Variants in ELFN2 observed in about 807,000 individuals in gnomAD.
ELFN2 encodes extracellular leucine rich repeat and fibronectin type III domain containing 2.
Under a neutral mutation model 45.5 loss-of-function variants are expected in ELFN2, and 17 were observed. The ratio of observed to expected loss-of-function variants is 0.37; its 90% CI spans 0.26 to 0.56. The LOEUF (loss-of-function observed/expected upper bound fraction) is 0.56, where lower values mean the gene tolerates loss of function less well. Among genes scored for constraint, ELFN2 ranks in the 20% least tolerant of loss-of-function variants. The probability of loss-of-function intolerance (pLI) is 0.77; values close to 1 mark genes in which losing one functional copy is unlikely to be tolerated. For missense variants in ELFN2, 922 were observed against 1,183.2 expected (o/e 0.78, Z 3.24); for synonymous variants, 550 against 551.5 (o/e 1.00, Z 0.04).
At chr22:37,382,019 C>T (rs949560153) in intron 2 of ELFN2, among the ~76,000 whole-genome samples, 2 of 148,670 alleles carry the variant, frequency 1.3e-5, no homozygotes, top group African/African-American at 5.0e-5. Flanking sequence ...GGGAGAAGCC[C>T]CCCCTGTGAT....
At chr22:37,395,856 G>A (rs73412241) in intron 2 of ELFN2, among the ~76,000 whole-genome samples, 3,999 of 152,258 alleles carry the variant, frequency 0.026, 103 homozygotes, top group African/African-American at 0.065. Context: ...ACCTGTTCAG[G>A]GCTCAGGGGA....
Position 37,368,975 on chromosome 22 carries a change from C to G in ELFN2, c.*4097G>C, listed in dbSNP as rs534011043. ...CCCACACAGGATGCTCCCTGACCAG[C>G]CTTGCCCCTCCCCCATCACCCTATT... On this transcript the variant is annotated 3_prime_UTR_variant, in exon 3 of 3. Coordinates refer to ENST00000402918, the MANE Select transcript of ELFN2 (RefSeq NM_052906.5). The G allele has an allele frequency of 6.6e-6, 1 of 151,456 alleles. No individual in the cohort carries two copies. The highest frequency in any genetic ancestry group is 2.0e-4 in the East Asian group (1 of 5,112). 9.4% of individuals were successfully genotyped at this position (151,456 alleles called of 1,614,324 possible).
rs566790546 is a variant in ELFN2 at position 37,347,319 on chromosome 22, C to G, written n.149-4616G>C. On this transcript the variant is annotated intron_variant and non_coding_transcript_variant, in intron 1 of 2. Transcript: ENST00000452946. ...TTCCTGGAGGGCTTGACTTCTGCTG[C>G]TATTCCAAAGGTCCTTTCCAAATCT... Among the ~76,000 whole-genome samples the G allele has an allele frequency of 3.2e-4, 49 of 152,306 alleles. No individual in the cohort carries two copies. The Middle Eastern group carries it at 0.01, about 32-fold the overall frequency.
intron 1 of ELFN2, among the ~76,000 whole-genome samples, chr22:37,343,933 C>T (rs1930625726): frequency 6.6e-6 from 1 of 152,060 alleles, no homozygotes; most frequent in Non-Finnish European, 1.5e-5. Context: ...AGGCCGCTGT[C>T]AAAGAGGGAG....
chr22:37,400,309 C>T (rs928913201), intron 2 of ELFN2, among the ~76,000 whole-genome samples: 1 of 152,148 alleles, frequency 6.6e-6, no homozygotes, highest in Non-Finnish European at 1.5e-5. Context: ...GAGCTGCCCC[C>T]ACTGACACGG....
intron 2 of ELFN2, among the ~76,000 whole-genome samples, chr22:37,412,739 GC>G (rs1292602799): frequency 6.6e-6 from 1 of 152,190 alleles, no homozygotes; most frequent in Non-Finnish European, 1.5e-5. Context: ...CCCTGGACTG[GC>G]GCGGCTGCCA....
chr22:37,353,844 G>A (rs1015899903), intron 1 of ELFN2: 1 of 150,940 alleles, frequency 6.6e-6, no homozygotes, highest in African/African-American at 2.4e-5. Flanking sequence ...AGCACTTTGG[G>A]AACTCGAATG....
At chr22:37,350,015 A>G in intron 1 of ELFN2, among the ~76,000 whole-genome samples, 1 of 150,838 alleles carries the variant, frequency 6.6e-6, no homozygotes, top group Middle Eastern at 3.2e-3. Context: ...CCACAGCAGC[A>G]CCTGGTCCTG....
At chr22:37,383,536 G>A (rs1202642893) in intron 2 of ELFN2, among the ~76,000 whole-genome samples, 4 of 152,234 alleles carry the variant, frequency 2.6e-5, no homozygotes, top group Non-Finnish European at 4.4e-5. Context: ...GTGTCATCCT[G>A]CACTGGGTGA....
chr22:37,377,758 C>A (rs1404229940), intron 2 of ELFN2, among the ~76,000 whole-genome samples: 1 of 152,230 alleles, frequency 6.6e-6, no homozygotes, highest in Non-Finnish European at 1.5e-5. Context: ...AGCTTGGGGG[C>A]ACCACAAGGC....
intron 2 of ELFN2, among the ~76,000 whole-genome samples, chr22:37,401,745 C>A (rs1029547115): frequency 1.3e-5 from 2 of 152,192 alleles, no homozygotes; most frequent in South Asian, 4.1e-4. Flanking sequence ...TGCATGCAAA[C>A]GAGGGGCATA....
At chr22:37,420,691 C>T (rs1932803397) in intron 1 of ELFN2, among the ~76,000 whole-genome samples, 2 of 146,604 alleles carry the variant, frequency 1.4e-5, no homozygotes, top group Non-Finnish European at 1.5e-5. Flanking sequence ...CTCATCTGTG[C>T]AACAGGAATG....
Position 37,375,309 on chromosome 22 carries a change from TGA to T in ELFN2, c.224_225del (p.Leu75GlnfsTer106). On this transcript the variant is annotated frameshift_variant, in exon 3 of 3. Coordinates refer to ENST00000402918, the MANE Select transcript of ELFN2 (RefSeq NM_052906.5). LOFTEE classifies it high-confidence loss of function. ...NKLKAVLYSS[L>X]NRFGNLTDLN... is the part of the protein sequence containing the mutation. Reference sequence around the variant, plus strand: ...AGGTCGGTGAGGTTCCCAAAGCGGTTGAGCGAGGAGTAGAGCACGGCTTTGAG... The same window carrying T: ...AGGTCGGTGAGGTTCCCAAAGCGGTTGCGAGGAGTAGAGCACGGCTTTGAG... 6.2e-7 allele frequency: 1 copy of T among 1,613,982 alleles called. No individual in the cohort carries two copies.
intron 2 of ELFN2, among the ~76,000 whole-genome samples, chr22:37,414,679 A>G (rs1932733135): frequency 6.6e-6 from 1 of 152,196 alleles, no homozygotes; most frequent in African/African-American, 2.4e-5. Flanking sequence ...CCAAGATCCC[A>G]TAGCCCATAA....
rs1931342031 is a variant in ELFN2, at chr22:37,370,719, G to A, written c.*2353C>T. 1 of 152,324 alleles carries A rather than the reference G, an allele frequency of 6.6e-6. No individual in the cohort carries two copies. Among genetic ancestry groups the A allele is most frequent in the African/African-American group, 2.4e-5 (1 of 41,308 alleles). 9.4% of individuals were successfully genotyped at this position (152,324 alleles called of 1,614,324 possible). A position where few individuals can be genotyped will look rare whatever the true frequency, so the allele number is the denominator to read the frequency against. ...TCTTGGTGGCACCTGTTTTGGGTCTGTTTTTGCAGAGCTGACCCCTCCCTG... is the reference window on the plus strand; with the variant it reads ...TCTTGGTGGCACCTGTTTTGGGTCTATTTTTGCAGAGCTGACCCCTCCCTG... On this transcript the variant is annotated 3_prime_UTR_variant, in exon 3 of 3. Transcript: ENST00000402918.
At chr22:37,406,245 C>A (rs1302557036) in intron 2 of ELFN2, among the ~76,000 whole-genome samples, 1 of 152,216 alleles carries the variant, frequency 6.6e-6, no homozygotes, top group Non-Finnish European at 1.5e-5. Flanking sequence ...GTTGTCCAGT[C>A]CAGTGATGGC....
At chr22:37,345,455 C>T (rs1479568553) in intron 1 of ELFN2, among the ~76,000 whole-genome samples, 1 of 152,188 alleles carries the variant, frequency 6.6e-6, no homozygotes. Context: ...GAGTCAAACG[C>T]CCTGGCACAC....
chr22:37,362,088 T>C (rs1931102907), intron 1 of ELFN2, among the ~76,000 whole-genome samples: 1 of 152,216 alleles, frequency 6.6e-6, no homozygotes, highest in African/African-American at 2.4e-5. Context: ...CGGGGCCAAC[T>C]GGACAGTCAA....
rs373627610 is a variant in ELFN2, at chr22:37,346,606, C to T, written n.149-3903G>A. ...TGGAGGAAAAGTTTGGAGACTTAAT[C>T]ACTGGGGAAGGCCATGGAAATAAAG... On this transcript the variant is annotated intron_variant and non_coding_transcript_variant, in intron 1 of 2. Transcript: ENST00000452946. Among the ~76,000 whole-genome samples the T allele has an allele frequency of 1.2e-4, 18 of 152,314 alleles. No homozygotes were observed. The East Asian group carries it at 2.7e-3, about 23-fold the overall frequency.
Sources: gnomAD v4.1 joint callset for allele counts (sites outside exome capture counted in the v4.1 genomes callset) on GRCh38, gnomAD v4.1.1 for gene constraint, MANE v1.5 for transcripts, NCBI Gene and HGNC (gene_info 2026-07-23, HGNC 2026-07-21) for gene names.